DENND1A: variants seen among roughly 807,000 people sequenced by gnomAD.
DENND1A encodes DENN domain containing 1A.
DENND1A carries 51 observed loss-of-function variants against 113.7 expected under a neutral mutation model. The ratio of observed to expected loss-of-function variants is 0.45; its 90% CI spans 0.36 to 0.57. The LOEUF (loss-of-function observed/expected upper bound fraction) is 0.57. DENND1A is among the 20% of genes least tolerant of loss of function. DENND1A has a pLI of 0.00. For synonymous variants in DENND1A, 565 were observed against 570.8 expected (o/e 0.99, Z 0.14); for missense variants, 1,258 against 1,395.9 (o/e 0.90, Z 1.57).
intron 10 of DENND1A, among the ~76,000 whole-genome samples, chr9:123,620,243 AGAAAAAG>A (rs2060889705): frequency 3.0e-4 from 45 of 149,772 alleles, no homozygotes; most frequent in African/African-American, 1.1e-3. Flanking sequence ...AAAAAAGAAA[AGAAAAAG>A]AAAAAAAGGA....
At chr9:123,463,776 G>T (rs1302464020) in intron 13 of DENND1A, among the ~76,000 whole-genome samples, 1 of 151,942 alleles carries the variant, frequency 6.6e-6, no homozygotes, top group Non-Finnish European at 1.5e-5. Flanking sequence ...AGGCATAATG[G>T]CAGGTGCCTG....
At chr9:123,403,576 C>A (rs568930150) in intron 20 of DENND1A, 86 bp from the exon 21 acceptor site, 23 of 1,269,648 alleles carry the variant, frequency 1.8e-5, no homozygotes, top group South Asian at 1.8e-4. Flanking sequence ...GATAAACGGC[C>A]CCCCCAAAAA....
At chr9:123,564,936 T>G (rs576591965) in intron 12 of DENND1A, among the ~76,000 whole-genome samples, 1 of 151,590 alleles carries the variant, frequency 6.6e-6, no homozygotes, top group South Asian at 2.1e-4. Flanking sequence ...CACAACAATG[T>G]ATAATGATGC....
chr9:123,407,319 T>C (rs546964419), intron 20 of DENND1A, among the ~76,000 whole-genome samples: 82 of 151,710 alleles, frequency 5.4e-4, no homozygotes, highest in Non-Finnish European at 8.7e-4. Flanking sequence ...GACACAAAAT[T>C]ACACTCACAG....
intron 1 of DENND1A, among the ~76,000 whole-genome samples, chr9:123,894,162 G>A (rs542797768): frequency 2.0e-4 from 30 of 152,176 alleles, no homozygotes; most frequent in Non-Finnish European, 3.5e-4. Context: ...TTTTAAACAA[G>A]CGCTTGGTGA....
intron 4 of DENND1A, among the ~76,000 whole-genome samples, chr9:123,768,877 T>C (rs1019130414): frequency 2.6e-5 from 4 of 151,384 alleles, no homozygotes; most frequent in Non-Finnish European, 5.9e-5. Flanking sequence ...CTCAGACTAT[T>C]TTAATTGTCT....
rs1034185064 is a variant in DENND1A, at chr9:123,902,863, C to CA, written c.18-23843dup. On this transcript the variant is annotated intron_variant, in intron 1 of 23. Transcript: ENST00000394215. ...TTGATATCAAAATCCGACAAGATTACAAAAAAAAAATTGTAGCCAAAATCT... is the reference window on the plus strand; with the variant it reads ...TTGATATCAAAATCCGACAAGATTACAAAAAAAAAAATTGTAGCCAAAATCT... 8.6e-3 allele frequency among the ~76,000 whole-genome samples: 1,034 copies of CA among 119,658 alleles called. 12 individuals are homozygous for CA. The highest frequency in any genetic ancestry group is 0.029 in the African/African-American group (951 of 32,500). The allele number at this position is 119,658 out of a possible 152,430, so 78.5% of individuals were successfully genotyped here. A position where few individuals can be genotyped will look rare whatever the true frequency, so the allele number is the denominator to read the frequency against.
At chr9:123,561,975 T>C (rs971794890) in intron 12 of DENND1A, among the ~76,000 whole-genome samples, 4 of 152,292 alleles carry the variant, frequency 2.6e-5, no homozygotes, top group African/African-American at 9.6e-5. Context: ...TTCAGCTCCA[T>C]CACCCTCTCT....
At chr9:123,831,095 G>C (rs1840148597) in intron 2 of DENND1A, among the ~76,000 whole-genome samples, 1 of 152,056 alleles carries the variant, frequency 6.6e-6, no homozygotes, top group African/African-American at 2.4e-5. Context: ...CAATAAAACA[G>C]CTTAGCAAAT....
At chr9:123,903,846 A>G (rs1203692415) in intron 1 of DENND1A, among the ~76,000 whole-genome samples, 1 of 152,118 alleles carries the variant, frequency 6.6e-6, no homozygotes, top group African/African-American at 2.4e-5. Context: ...GCAGCCAGGA[A>G]GCTCGAACTG....
intron 13 of DENND1A, among the ~76,000 whole-genome samples, chr9:123,470,285 T>C (rs1009883973): frequency 3.3e-5 from 5 of 151,716 alleles, no homozygotes; most frequent in Non-Finnish European, 5.9e-5. Context: ...GAGCTACAGC[T>C]CTCTCCCTAG....
chr9:123,417,160 GT>G (rs1402750903), intron 19 of DENND1A, among the ~76,000 whole-genome samples: 1 of 152,212 alleles, frequency 6.6e-6, no homozygotes, highest in Non-Finnish European at 1.5e-5. Flanking sequence ...TGAGAGTACA[GT>G]TACAGCCGCA....
chr9:123,389,718 T>C (rs2042742614), intron 21 of DENND1A, among the ~76,000 whole-genome samples: 2 of 152,214 alleles, frequency 1.3e-5, no homozygotes, highest in South Asian at 4.1e-4. Context: ...GGGTTAGGAA[T>C]AATAATGTTC....
Position 123,457,331 on chromosome 9 carries a change from A to G in DENND1A, c.1186+17T>C. Reference sequence around the variant, plus strand: ...TAGCAGCCTGCAGCCCCGGAAGGAAAATGAGTTGCTTCTCACCAGCGTACT... The same window carrying G: ...TAGCAGCCTGCAGCCCCGGAAGGAAGATGAGTTGCTTCTCACCAGCGTACT... On this transcript the variant is annotated intron_variant, in intron 15 of 23. Coordinates refer to ENST00000394215, the MANE Select transcript of DENND1A (RefSeq NM_001352964.2). 6.2e-7 allele frequency: 1 copy of G among 1,605,522 alleles called. No homozygotes were observed. Among genetic ancestry groups the G allele is most frequent in the South Asian group, 1.1e-5 (1 of 90,872 alleles).
intron 2 of DENND1A, among the ~76,000 whole-genome samples, chr9:123,848,933 G>A (rs1053029219): frequency 3.9e-5 from 6 of 152,226 alleles, no homozygotes; most frequent in Non-Finnish European, 8.8e-5. Context: ...AAGGCTGAGA[G>A]AGGTGAGGAA....
intron 13 of DENND1A, among the ~76,000 whole-genome samples, chr9:123,541,841 C>G (rs954237154): frequency 6.6e-6 from 1 of 152,218 alleles, no homozygotes; most frequent in Middle Eastern, 3.4e-3. Flanking sequence ...CATTTTTATC[C>G]CCACTTAACA....
chr9:123,637,951 G>GCACACACACACACACA (rs2061801178), intron 9 of DENND1A, among the ~76,000 whole-genome samples: 3 of 17,726 alleles, frequency 1.7e-4, no homozygotes, highest in African/African-American at 3.0e-4. Flanking sequence ...ACACACACAC[G>GCACACACACACACACA]CGCACACACA....
At position 123,917,162 on chromosome 9, in the gene DENND1A, C is replaced by T. The variant is rs541749050; in HGVS notation, c.17+12727G>A. 2.8e-3 allele frequency among the ~76,000 whole-genome samples: 424 copies of T among 152,042 alleles called. 4 individuals are homozygous for T. Among genetic ancestry groups the T allele is most frequent in the Non-Finnish European group, 4.7e-3 (322 of 67,950 alleles). On this transcript the variant is annotated intron_variant, in intron 1 of 23. Coordinates refer to ENST00000394215, the MANE Select transcript of DENND1A (RefSeq NM_001352964.2). ...TCGTGCCACTGCACTCCAGCCCAGG[C>T]GACCGAGCAAGACCCTGTCTCAAAA... is the stretch of plus-strand genomic sequence containing the variant.
chr9:123,841,395 T>C (rs1841808939), intron 2 of DENND1A, among the ~76,000 whole-genome samples: 1 of 152,228 alleles, frequency 6.6e-6, no homozygotes. Context: ...ATTTTCATTT[T>C]AAAGGCATTT....
Sources: gnomAD v4.1 joint callset for allele counts (sites outside exome capture counted in the v4.1 genomes callset) on GRCh38, gnomAD v4.1.1 for gene constraint, MANE v1.5 for transcripts, NCBI Gene and HGNC (gene_info 2026-07-23, HGNC 2026-07-21) for gene names.